The following EPG5 variants were observed in gnomAD, a reference collection of about 807,000 sequenced individuals.
The protein encoded by EPG5 is ectopic P-granules 5 autophagy tethering factor.
A neutral mutation model predicts 302.7 loss-of-function variants in EPG5; 159 were observed. The ratio of observed to expected loss-of-function variants is 0.53; its 90% CI spans 0.46 to 0.60. EPG5 has a LOEUF of 0.60. Ranked by LOEUF, EPG5 falls within the 20% of genes least tolerant of loss-of-function variation. The pLI is 0.00. For synonymous variants in EPG5, 1,158 were observed against 1,136.8 expected, an observed-to-expected ratio of 1.02 and a Z score of -0.37; for missense variants, 2,896 against 3,092.4, an observed-to-expected ratio of 0.94 and a Z score of 1.51.
At chr18:45,908,267 A>C (rs2049808100) in intron 23 of EPG5, among the ~76,000 whole-genome samples, 186 bp from the exon 24 acceptor site, 1 of 152,192 alleles carries the variant, frequency 6.6e-6, no homozygotes, top group South Asian at 2.1e-4. Context: ...CACGTCACAG[A>C]TTATTCAAAT....
the EPG5 span, among the ~76,000 whole-genome samples, chr18:45,804,471 TG>T: frequency 6.6e-6 from 1 of 152,134 alleles, no homozygotes; most frequent in African/African-American, 2.4e-5. Context: ...AAAACATGCC[TG>T]GGCACATTAG....
chr18:45,934,405 T>A (rs1157248752), intron 11 of EPG5, among the ~76,000 whole-genome samples: 1 of 152,212 alleles, frequency 6.6e-6, no homozygotes, highest in East Asian at 1.9e-4. Context: ...CATCTTTAGT[T>A]CATAAAAACA....
intron 28 of EPG5, 65 bp downstream of exon 28, chr18:45,889,733 G>C: frequency 7.0e-7 from 1 of 1,435,416 alleles, no homozygotes; most frequent in Non-Finnish European, 9.5e-7. Context: ...TGGTATAGTA[G>C]CATGTATGAT....
In EPG5 at chr18:45,860,344, T is replaced by C. The variant is rs201722679; in HGVS notation, c.6769A>G (p.Met2257Val). The change falls in exon 40 of 44, where the codon ATG becomes GTG. Residue 2257 changes from methionine (M) to valine (V), a missense_variant and splice_region_variant. Coordinates refer to ENST00000282041, the MANE Select transcript of EPG5 (RefSeq NM_020964.3). ...GCCATGTGGCGGGTCTGGCTGTCCA[T>C]GTCTGAAAGGAATATAGACACACTC... ...DDIIVFNPPD[M>V]DSQTRHMALS... 4.6e-5 allele frequency: 74 copies of C among 1,614,100 alleles called. No individual in the cohort carries two copies. Among genetic ancestry groups the C allele is most frequent in the Non-Finnish European group, 5.8e-5 (69 of 1,180,042 alleles).
chr18:45,959,948 T>C (rs137959681), intron 1 of EPG5, among the ~76,000 whole-genome samples: 3,602 of 152,208 alleles, frequency 0.024, 145 homozygotes, highest in African/African-American at 0.083. Context: ...CACTGCACTC[T>C]AGCCTGGGCA....
intron 27 of EPG5, among the ~76,000 whole-genome samples, chr18:45,897,479 CA>C (rs1017668169): frequency 1.3e-5 from 2 of 152,160 alleles, no homozygotes; most frequent in African/African-American, 4.8e-5. Flanking sequence ...CCAAAATTGG[CA>C]AACTTTTCTC....
intron 24 of EPG5, among the ~76,000 whole-genome samples, chr18:45,904,547 A>T (rs1568138654): frequency 6.6e-6 from 1 of 152,200 alleles, no homozygotes. Flanking sequence ...ATGTTAAACT[A>T]CACCGTGAAG....
At chr18:45,869,624 G>A (rs764801913) in intron 36 of EPG5, among the ~76,000 whole-genome samples, 34 of 152,132 alleles carry the variant, frequency 2.2e-4, no homozygotes, top group African/African-American at 5.8e-4. Context: ...CTTAATGCCC[G>A]TCTCATATAC....
chr18:45,922,225 G>A (rs539273188), intron 16 of EPG5, 116 bp downstream of exon 16: 33 of 1,272,812 alleles, frequency 2.6e-5, no homozygotes, highest in Non-Finnish European at 2.9e-5. Context: ...TTATTATTTG[G>A]CCCAATTGCT....
chr18:45,925,568 C>T (rs2050248740), intron 14 of EPG5, among the ~76,000 whole-genome samples, 170 bp downstream of exon 14: 1 of 152,230 alleles, frequency 6.6e-6, no homozygotes, highest in Non-Finnish European at 1.5e-5. Context: ...TTAATAGTTG[C>T]TCATTCTGCA....
chr18:45,884,522 A>T, intron 30 of EPG5, 95 bp downstream of exon 30: 1 of 1,206,114 alleles, frequency 8.3e-7, no homozygotes, highest in South Asian at 1.4e-5. Flanking sequence ...TGTACCTGGA[A>T]ACAAAACTGC....
At chr18:45,873,402 C>T (rs577702692) in intron 35 of EPG5, among the ~76,000 whole-genome samples, 15 of 151,706 alleles carry the variant, frequency 9.9e-5, no homozygotes, top group African/African-American at 2.7e-4. Context: ...CCCAGCTACT[C>T]GGGAGACTGA....
At chr18:45,917,940 T>C in intron 16 of EPG5, 121 bp from the exon 17 acceptor site, 3 of 900,768 alleles carry the variant, frequency 3.3e-6, no homozygotes, top group South Asian at 3.7e-5. Flanking sequence ...ACATGTTTTA[T>C]ACCCAATCTT....
chr18:45,887,657 T>C (rs2049247272), intron 29 of EPG5, 94 bp downstream of exon 29: 6 of 1,114,396 alleles, frequency 5.4e-6, no homozygotes, highest in Non-Finnish European at 7.2e-6. Flanking sequence ...GAACCTGTAA[T>C]ATAAGTCTGA....
chr18:45,897,462 A>T (rs2049504658), intron 27 of EPG5, among the ~76,000 whole-genome samples: 1 of 151,914 alleles, frequency 6.6e-6, no homozygotes, highest in African/African-American at 2.4e-5. Flanking sequence ...ACTAACTCGA[A>T]CTCCACCCAA....
intron 10 of EPG5, among the ~76,000 whole-genome samples, chr18:45,939,307 T>G (rs1272379791): frequency 6.6e-6 from 1 of 152,178 alleles, no homozygotes; most frequent in East Asian, 1.9e-4. Flanking sequence ...GAATCTATCC[T>G]TGTTTTCCCC....
chr18:45,815,316 G>C, the EPG5 span, among the ~76,000 whole-genome samples: 2 of 151,976 alleles, frequency 1.3e-5, no homozygotes, highest in South Asian at 4.2e-4. Context: ...CTGGGTGGAG[G>C]GCTTGGAGAA....
intron 36 of EPG5, among the ~76,000 whole-genome samples, chr18:45,870,114 G>C (rs1211595794): frequency 6.6e-6 from 1 of 152,086 alleles, no homozygotes; most frequent in Non-Finnish European, 1.5e-5. Context: ...TTGTCACAAT[G>C]CATTTTATCT....
chr18:45,947,280 G>A (rs1463360499), intron 6 of EPG5, among the ~76,000 whole-genome samples: 1 of 152,082 alleles, frequency 6.6e-6, no homozygotes, highest in Non-Finnish European at 1.5e-5. Flanking sequence ...GGGTGTGGTG[G>A]CACATGCCTG....
Sources: allele counts gnomAD v4.1 joint callset (sites outside exome capture counted in the v4.1 genomes callset), GRCh38; gene constraint gnomAD v4.1.1; transcripts MANE v1.5; gene names NCBI Gene and HGNC (gene_info 2026-07-23, HGNC 2026-07-21).